GAB1: variants seen among roughly 807,000 people sequenced by gnomAD.
GAB1 encodes GRB2 associated binding protein 1, also known as GRB2-associated-binding protein 1.
A neutral mutation model predicts 66.5 loss-of-function variants in GAB1; 19 were observed. The ratio of observed to expected loss-of-function variants is 0.29; its 90% CI spans 0.20 to 0.42. The LOEUF (loss-of-function observed/expected upper bound fraction) is 0.42, where lower values mean the gene tolerates loss of function less well. Ranked by LOEUF, GAB1 falls within the 10% of genes least tolerant of loss-of-function variation. The pLI, the probability that GAB1 is intolerant of heterozygous loss-of-function variation, is 1.00. For synonymous variants in GAB1, 294 were observed against 301.4 expected (o/e 0.98, Z 0.25); for missense variants, 732 against 858.5 (o/e 0.85, Z 1.84).
chr4:143,409,705 G>A (rs1732265471), intron 1 of GAB1, among the ~76,000 whole-genome samples: 1 of 151,882 alleles, frequency 6.6e-6, no homozygotes, highest in Admixed American at 6.6e-5. Flanking sequence ...GGGAAGGTTG[G>A]GAAAAAAGAA....
intron 2 of GAB1, among the ~76,000 whole-genome samples, chr4:143,420,419 C>T (rs1158713467): frequency 6.6e-6 from 1 of 152,058 alleles, no homozygotes; most frequent in African/African-American, 2.4e-5. Flanking sequence ...CTCAAAATAT[C>T]GTTACCATGT....
At chr4:143,337,907 C>T (rs1728713613) in intron 1 of GAB1, among the ~76,000 whole-genome samples, 1 of 152,194 alleles carries the variant, frequency 6.6e-6, no homozygotes, top group Non-Finnish European at 1.5e-5. Context: ...GCCCGGGAGC[C>T]TTGGCGGTTT....
intron 1 of GAB1, among the ~76,000 whole-genome samples, chr4:143,344,258 A>T (rs1402741330): frequency 6.6e-6 from 1 of 152,168 alleles, no homozygotes; most frequent in Non-Finnish European, 1.5e-5. Flanking sequence ...TGTGAGTGCC[A>T]GCTCGTGTTG....
intron 1 of GAB1, among the ~76,000 whole-genome samples, chr4:143,389,590 A>T (rs1299815759): frequency 6.6e-6 from 1 of 152,126 alleles, no homozygotes; most frequent in African/African-American, 2.4e-5. Flanking sequence ...GAAGTTATTA[A>T]AGCATAAGAC....
intron 1 of GAB1, among the ~76,000 whole-genome samples, chr4:143,413,179 C>T (rs1732486551): frequency 6.6e-6 from 1 of 152,162 alleles, no homozygotes; most frequent in South Asian, 2.1e-4. Flanking sequence ...CTTGAGGGCC[C>T]TGCATAAATA....
At chr4:143,342,392 A>G (rs1336135687) in intron 1 of GAB1, among the ~76,000 whole-genome samples, 1 of 152,122 alleles carries the variant, frequency 6.6e-6, no homozygotes, top group Non-Finnish European at 1.5e-5. Flanking sequence ...ATTTCAGTGT[A>G]TTTTGCCATA....
At position 143,438,002 on chromosome 4, in the gene GAB1, G is replaced by A. The variant is rs368430613; in HGVS notation, c.597G>A (p.Thr199=). The A allele has an allele frequency of 6.3e-5, 101 of 1,609,258 alleles. No homozygotes were observed. Among genetic ancestry groups the A allele is most frequent in the Non-Finnish European group, 7.6e-5 (90 of 1,177,182 alleles). Residue 199 remains threonine, a synonymous_variant, in exon 4 of 10, where the codon ACG becomes ACA. Coordinates refer to ENST00000262994, the MANE Select transcript of GAB1 (RefSeq NM_002039.4). The part of the protein sequence containing the change: ...CQSKKPEPTR[T]HADSAKSTSS... ...GTCATTAACAATTTTTATTTAGAAC[G>A]CATGCTGATTCTGCAAAATCCACCT...
chr4:143,366,884 T>C (rs538652333), intron 1 of GAB1, among the ~76,000 whole-genome samples: 1 of 152,178 alleles, frequency 6.6e-6, no homozygotes, highest in South Asian at 2.1e-4. Context: ...GGCTCATTTC[T>C]CTTACCTGTC....
chr4:143,457,779 T>G, intron 6 of GAB1: 1 of 1,431,856 alleles, frequency 7.0e-7, no homozygotes, highest in Non-Finnish European at 9.6e-7. Context: ...GGTATGTACT[T>G]TAGCACCGCA....
intron 1 of GAB1, among the ~76,000 whole-genome samples, chr4:143,359,350 C>T (rs61681472): frequency 0.026 from 3,995 of 152,244 alleles, 168 homozygotes; most frequent in African/African-American, 0.091. Flanking sequence ...GTTTTGTACA[C>T]AGGCAGAACA....
chr4:143,360,699 A>G (rs748933331), intron 1 of GAB1, among the ~76,000 whole-genome samples: 6 of 152,144 alleles, frequency 3.9e-5, no homozygotes, highest in African/African-American at 1.4e-4. Flanking sequence ...AATTTTTTTC[A>G]TGTGCCAAAG....
intron 1 of GAB1, among the ~76,000 whole-genome samples, chr4:143,389,856 A>G (rs145421802): frequency 1.7e-3 from 262 of 152,300 alleles, no homozygotes; most frequent in African/African-American, 6.2e-3. Context: ...TGTAAAGACA[A>G]AAGAAGCTTA....
intron 1 of GAB1, among the ~76,000 whole-genome samples, chr4:143,409,485 A>AAG (rs764439474): frequency 1.3e-5 from 2 of 151,644 alleles, no homozygotes; most frequent in Non-Finnish European, 2.9e-5. Context: ...AGCACTTACA[A>AAG]TGCATGAAGT....
rs1736067665 is a variant in GAB1, at chr4:143,471,250, T to A, written c.*2061T>A. 1 of 152,198 alleles carries A rather than the reference T, an allele frequency of 6.6e-6. No homozygotes were observed. 9.4% of individuals were successfully genotyped at this position (152,198 alleles called of 1,614,324 possible). ...ATTAACTTTTTACAAGTCACCATAT[T>A]TGAAGATCTGTAGCACTCTGATTTT... On this transcript the variant is annotated 3_prime_UTR_variant, in exon 10 of 10. Transcript: ENST00000262994.
At position 143,474,334 on chromosome 4, in the gene GAB1, G is replaced by A. The variant is rs1736187174; in HGVS notation, c.*5145G>A. ...ATGAGGTGCTTGGAACATTTGGAGT[G>A]CTCTGTGCGAGGGACATACAGTGAT... On this transcript the variant is annotated 3_prime_UTR_variant, in exon 10 of 10. Coordinates refer to ENST00000262994, the MANE Select transcript of GAB1 (RefSeq NM_002039.4). The A allele has an allele frequency of 6.6e-6, 1 of 152,000 alleles. No homozygotes were observed. Among genetic ancestry groups the A allele is most frequent in the East Asian group, 1.9e-4 (1 of 5,186 alleles). 9.4% of individuals were successfully genotyped at this position (152,000 alleles called of 1,614,324 possible).
In GAB1 at chr4:143,433,858, A is replaced by G. The variant is rs533622139; in HGVS notation, c.593+142A>G. ...TGTATAGGCATATGTTTCAGGCTTTATATTTCAGGTTTACATTCCCCTATT... is the reference window on the plus strand; with the variant it reads ...TGTATAGGCATATGTTTCAGGCTTTGTATTTCAGGTTTACATTCCCCTATT... On this transcript the variant is annotated intron_variant, in intron 3 of 9. Transcript: ENST00000262994. 33 of 696,344 alleles carry G rather than the reference A, an allele frequency of 4.7e-5. No homozygotes were observed. The South Asian group carries it at 5.4e-4, about 11-fold the overall frequency. 43.1% of individuals were successfully genotyped at this position (696,344 alleles called of 1,614,324 possible).
intron 1 of GAB1, among the ~76,000 whole-genome samples, chr4:143,347,457 G>A (rs1398181127): frequency 6.6e-6 from 1 of 152,108 alleles, no homozygotes; most frequent in African/African-American, 2.4e-5. Flanking sequence ...CCTTTTACAG[G>A]GAATGAAAAT....
At chr4:143,466,273 C>T (rs1174015920) in intron 9 of GAB1, 48 bp downstream of exon 9, 1 of 1,560,228 alleles carries the variant, frequency 6.4e-7, no homozygotes, top group East Asian at 2.3e-5. Flanking sequence ...TTAGTTCACA[C>T]TTCAAACCTG....
At chr4:143,413,575 A>G (rs931839935) in intron 1 of GAB1, among the ~76,000 whole-genome samples, 1 of 152,080 alleles carries the variant, frequency 6.6e-6, no homozygotes, top group African/African-American at 2.4e-5. Flanking sequence ...AGGATTGCCT[A>G]AATTTTTCTG....
Sources: gnomAD v4.1 joint callset for allele counts (sites outside exome capture counted in the v4.1 genomes callset) on GRCh38, gnomAD v4.1.1 for gene constraint, MANE v1.5 for transcripts, NCBI Gene and HGNC (gene_info 2026-07-23, HGNC 2026-07-21) for gene names.